The following GRM1 variants were observed in gnomAD, a reference collection of about 807,000 sequenced individuals.
GRM1 encodes the protein metabotropic glutamate receptor 1.
Under a neutral mutation model 90.9 loss-of-function variants are expected in GRM1, and 33 were observed. The observed-to-expected ratio is 0.36, with a 90% CI of 0.28 to 0.49. The LOEUF (loss-of-function observed/expected upper bound fraction) is 0.49. Ranked by LOEUF, GRM1 falls within the 20% of genes least tolerant of loss-of-function variation. The pLI is 0.99. For missense variants in GRM1, 1,190 were observed against 1,534.3 expected, an observed-to-expected ratio of 0.78 and a Z score of 3.75; for synonymous variants, 700 against 613.2, an observed-to-expected ratio of 1.14 and a Z score of -2.09.
At chr6:146,231,071 G>C (rs1780435738) in intron 2 of GRM1, among the ~76,000 whole-genome samples, 1 of 152,166 alleles carries the variant, frequency 6.6e-6, no homozygotes, top group African/African-American at 2.4e-5. Flanking sequence ...GTATGCTACT[G>C]TAATGTTGGA....
chr6:146,393,738 C>T (rs947178301), intron 6 of GRM1, among the ~76,000 whole-genome samples: 10 of 152,096 alleles, frequency 6.6e-5, no homozygotes, highest in Non-Finnish European at 2.9e-5. Context: ...CTACCATTGA[C>T]TTTCTTCACA....
intron 2 of GRM1, among the ~76,000 whole-genome samples, chr6:146,232,317 T>A (rs1211539958): frequency 6.6e-6 from 1 of 152,122 alleles, no homozygotes; most frequent in African/African-American, 2.4e-5. Flanking sequence ...TCTTTGTCTA[T>A]CCACACATCA....
intron 2 of GRM1, among the ~76,000 whole-genome samples, chr6:146,267,471 A>G (rs1362614828): frequency 6.6e-6 from 1 of 152,176 alleles, no homozygotes; most frequent in Non-Finnish European, 1.5e-5. Flanking sequence ...TTTATTAAGT[A>G]TTAACATACA....
intron 7 of GRM1, among the ~76,000 whole-genome samples, chr6:146,427,325 A>G (rs1778246210): frequency 6.6e-6 from 1 of 152,160 alleles, no homozygotes; most frequent in South Asian, 2.1e-4. Context: ...TGTCTTTTTA[A>G]GTTAACAAAA....
intron 2 of GRM1, among the ~76,000 whole-genome samples, chr6:146,265,732 C>T (rs1244185966): frequency 6.6e-6 from 1 of 152,144 alleles, no homozygotes; most frequent in Non-Finnish European, 1.5e-5. Context: ...GACCCAAATT[C>T]ATTCTCCTTA....
chr6:146,330,638 T>A (rs1473749489), intron 3 of GRM1, among the ~76,000 whole-genome samples: 2 of 152,216 alleles, frequency 1.3e-5, no homozygotes, highest in African/African-American at 4.8e-5. Context: ...AAAAAATACA[T>A]CATCAGCGTG....
intron 3 of GRM1, among the ~76,000 whole-genome samples, chr6:146,344,692 A>T (rs977580279): frequency 6.6e-6 from 1 of 152,230 alleles, no homozygotes; most frequent in Non-Finnish European, 1.5e-5. Flanking sequence ...CAATTACGAC[A>T]CTGAGACAGA....
chr6:146,336,661 C>G (rs1349571470), intron 3 of GRM1, among the ~76,000 whole-genome samples: 1 of 152,186 alleles, frequency 6.6e-6, no homozygotes, highest in Admixed American at 6.5e-5. Context: ...GGCTACATCT[C>G]TCCACTCAAC....
At chr6:146,383,946 A>C (rs1001182258) in intron 5 of GRM1, among the ~76,000 whole-genome samples, 4 of 152,118 alleles carry the variant, frequency 2.6e-5, no homozygotes, top group African/African-American at 9.6e-5. Context: ...AAAACAGTAC[A>C]TGACCTTGAG....
chr6:146,325,829 T>G (rs904367436), intron 3 of GRM1, among the ~76,000 whole-genome samples: 1 of 152,244 alleles, frequency 6.6e-6, no homozygotes, highest in Non-Finnish European at 1.5e-5. Flanking sequence ...GTTTCTTTGC[T>G]TATGTCTTTT....
chr6:146,273,078 A>T (rs1219077962), intron 2 of GRM1, among the ~76,000 whole-genome samples: 7 of 152,224 alleles, frequency 4.6e-5, no homozygotes, highest in African/African-American at 1.4e-4. Context: ...ATGTTGTGTG[A>T]CTTGTTCTTT....
At chr6:146,105,978 T>A (rs991643855) in intron 1 of GRM1, among the ~76,000 whole-genome samples, 6 of 152,162 alleles carry the variant, frequency 3.9e-5, no homozygotes, top group African/African-American at 1.2e-4. Flanking sequence ...CAATATCTCA[T>A]AAAGCAAATC....
At chr6:146,352,166 C>T in intron 3 of GRM1, 84 bp from the exon 4 acceptor site, 1 of 1,396,370 alleles carries the variant, frequency 7.2e-7, no homozygotes. Flanking sequence ...CCTCTGAGAA[C>T]CCCCAAAAGC....
At chr6:146,057,299 A>G (rs1396746594) in intron 1 of GRM1, among the ~76,000 whole-genome samples, 1 of 152,120 alleles carries the variant, frequency 6.6e-6, no homozygotes. Context: ...TTCAAATACG[A>G]TAAATGCCTC....
chr6:146,071,471 CACTT>C (rs1776015697), intron 1 of GRM1, among the ~76,000 whole-genome samples: 1 of 152,144 alleles, frequency 6.6e-6, no homozygotes, highest in South Asian at 2.1e-4. Flanking sequence ...TATATATCTT[CACTT>C]ACTTAGGCAG....
intron 2 of GRM1, among the ~76,000 whole-genome samples, chr6:146,254,358 A>T (rs1388122598): frequency 1.3e-5 from 2 of 152,108 alleles, no homozygotes; most frequent in Non-Finnish European, 2.9e-5. Context: ...TGGGGTTTCC[A>T]TCCCAGCAAG....
At chr6:146,343,564 A>T (rs755432074) in intron 3 of GRM1, among the ~76,000 whole-genome samples, 2 of 150,062 alleles carry the variant, frequency 1.3e-5, no homozygotes, top group African/African-American at 4.9e-5. Flanking sequence ...TTGTTACTCA[A>T]TTTTTTCTGT....
intron 1 of GRM1, among the ~76,000 whole-genome samples, chr6:146,050,159 G>A (rs142320166): frequency 7.1e-4 from 108 of 152,090 alleles, no homozygotes; most frequent in African/African-American, 2.5e-3. Context: ...TAAAAAATCA[G>A]GTCCTGGAGC....
chr6:146,123,602 C>G (rs148940350), intron 1 of GRM1, among the ~76,000 whole-genome samples: 90 of 152,346 alleles, frequency 5.9e-4, no homozygotes, highest in African/African-American at 2.1e-3. Context: ...AGCAATTCTG[C>G]AGCTCACCAT....
Sources: allele counts gnomAD v4.1 joint callset (sites outside exome capture counted in the v4.1 genomes callset), GRCh38; gene constraint gnomAD v4.1.1; transcripts MANE v1.5; gene names NCBI Gene and HGNC (gene_info 2026-07-23, HGNC 2026-07-21).